The following TLL1 variants were observed in gnomAD, a reference collection of about 807,000 sequenced individuals.
The protein encoded by TLL1 is tolloid like 1, also known as tolloid-like protein 1.
In TLL1, 49 loss-of-function variants were observed where a neutral mutation model predicts 128.2. The observed-to-expected ratio is 0.38, with a 90% confidence interval of 0.30 to 0.48. The LOEUF (loss-of-function observed/expected upper bound fraction) is 0.48. Among genes scored for constraint, TLL1 ranks in the 20% least tolerant of loss-of-function variants. TLL1 has a pLI of 0.96. For synonymous variants in TLL1, 454 were observed against 418.8 expected, an observed-to-expected ratio of 1.08 and a Z score of -1.03; for missense variants, 1,123 against 1,242.0, an observed-to-expected ratio of 0.90 and a Z score of 1.44.
At chr4:165,899,349 A>G (rs1042527754) in intron 1 of TLL1, among the ~76,000 whole-genome samples, 12 of 152,090 alleles carry the variant, frequency 7.9e-5, no homozygotes, top group South Asian at 2.1e-4. Flanking sequence ...GCTTTCTCCT[A>G]TGGGCATTTA....
At chr4:165,912,263 T>A (rs1233525190) in intron 1 of TLL1, among the ~76,000 whole-genome samples, 6 of 152,182 alleles carry the variant, frequency 3.9e-5, no homozygotes, top group Non-Finnish European at 7.4e-5. Context: ...CCTGACTGCG[T>A]TCCTGGTCTT....
At chr4:165,992,468 G>A (rs1736690287) in intron 2 of TLL1, among the ~76,000 whole-genome samples, 1 of 152,010 alleles carries the variant, frequency 6.6e-6, no homozygotes, top group African/African-American at 2.4e-5. Flanking sequence ...CAACAGGGCA[G>A]AACAACTTGC....
At chr4:166,021,428 T>C (rs1738225471) in intron 8 of TLL1, among the ~76,000 whole-genome samples, 2 of 147,338 alleles carry the variant, frequency 1.4e-5, no homozygotes, top group African/African-American at 2.6e-5. Context: ...ACTATTATTT[T>C]TGCCTTTTTT....
chr4:165,896,395 G>A (rs1442107923), intron 1 of TLL1, among the ~76,000 whole-genome samples: 3 of 151,770 alleles, frequency 2.0e-5, no homozygotes, highest in Admixed American at 6.6e-5. Context: ...ATAAACATAC[G>A]TGTGCATGTG....
At chr4:166,021,826 C>A (rs1297350179) in intron 8 of TLL1, among the ~76,000 whole-genome samples, 1 of 152,096 alleles carries the variant, frequency 6.6e-6, no homozygotes, top group Non-Finnish European at 1.5e-5. Context: ...CTCCTGTTGG[C>A]CTCTTGCCTT....
chr4:165,924,539 G>A (rs915340646), intron 1 of TLL1, among the ~76,000 whole-genome samples: 13 of 152,306 alleles, frequency 8.5e-5, no homozygotes, highest in African/African-American at 3.1e-4. Flanking sequence ...GGCTAGCAGA[G>A]GTTAGCTCAG....
intron 4 of TLL1, 70 bp from the exon 5 acceptor site, chr4:165,994,991 T>G: frequency 1.6e-6 from 2 of 1,254,966 alleles, no homozygotes; most frequent in African/African-American, 1.5e-5. Context: ...AGACTTAGGG[T>G]AGAGGATGCA....
At chr4:165,981,930 A>C (rs962604032) in intron 1 of TLL1, among the ~76,000 whole-genome samples, 1 of 151,986 alleles carries the variant, frequency 6.6e-6, no homozygotes, top group Non-Finnish European at 1.5e-5. Flanking sequence ...CCTATATGAG[A>C]TTTTGCAGTG....
chr4:165,967,070 A>G (rs1366184748), intron 1 of TLL1, among the ~76,000 whole-genome samples: 2 of 152,186 alleles, frequency 1.3e-5, no homozygotes, highest in Non-Finnish European at 2.9e-5. Flanking sequence ...CTAGGAATGC[A>G]TTCTTTTTCT....
At chr4:165,890,882 G>A (rs1319382384) in intron 1 of TLL1, among the ~76,000 whole-genome samples, 1 of 152,140 alleles carries the variant, frequency 6.6e-6, no homozygotes, top group African/African-American at 2.4e-5. Flanking sequence ...CTTCCATACT[G>A]CCCTAGCAGA....
chr4:165,907,041 C>T (rs1480470587), intron 1 of TLL1, among the ~76,000 whole-genome samples: 1 of 152,120 alleles, frequency 6.6e-6, no homozygotes, highest in Non-Finnish European at 1.5e-5. Context: ...TCAAGAGATT[C>T]TGACAGCTTG....
intron 9 of TLL1, among the ~76,000 whole-genome samples, chr4:166,032,256 A>G (rs2111080427): frequency 6.6e-6 from 1 of 152,262 alleles, no homozygotes; most frequent in African/African-American, 2.4e-5. Flanking sequence ...GTAAAAGTGT[A>G]GTATTACAAA....
intron 16 of TLL1, among the ~76,000 whole-genome samples, chr4:166,068,428 T>A (rs1740669227): frequency 6.6e-6 from 1 of 151,884 alleles, no homozygotes; most frequent in Admixed American, 6.6e-5. Flanking sequence ...TAATCATATG[T>A]CAAAAGCCAA....
intron 19 of TLL1, among the ~76,000 whole-genome samples, chr4:166,096,210 G>GGTGTGTGTGT (rs60978680): frequency 3.5e-4 from 51 of 145,554 alleles, no homozygotes; most frequent in African/African-American, 1.2e-3. Context: ...TTCTGTCATG[G>GGTGTGTGTGT]GTGTGTGTGT....
chr4:166,017,993 G>A (rs1458773394), intron 8 of TLL1, among the ~76,000 whole-genome samples: 1 of 151,926 alleles, frequency 6.6e-6, no homozygotes, highest in East Asian at 1.9e-4. Context: ...ATTCATAACT[G>A]TACATGTGAG....
intron 1 of TLL1, among the ~76,000 whole-genome samples, chr4:165,963,725 A>T (rs2110964635): frequency 6.6e-6 from 1 of 152,280 alleles, no homozygotes; most frequent in South Asian, 2.1e-4. Context: ...AACAGATAAC[A>T]CACTCTGTCT....
At chr4:165,959,073 C>T (rs1282231316) in intron 1 of TLL1, among the ~76,000 whole-genome samples, 1 of 148,622 alleles carries the variant, frequency 6.7e-6, no homozygotes, top group African/African-American at 2.5e-5. Flanking sequence ...TGATCTATAT[C>T]TCTGTTTTGG....
intron 18 of TLL1, among the ~76,000 whole-genome samples, chr4:166,079,912 T>C (rs76354550): frequency 0.051 from 7,717 of 152,270 alleles, 305 homozygotes; most frequent in African/African-American, 0.096. Context: ...TTTCTTTGGC[T>C]GTCTCGAATC....
intron 1 of TLL1, among the ~76,000 whole-genome samples, chr4:165,945,728 G>C (rs1198910602): frequency 2.6e-5 from 4 of 152,076 alleles, no homozygotes; most frequent in Non-Finnish European, 5.9e-5. Context: ...CTCAAAAAAT[G>C]GCAGGGAATG....
Sources: gnomAD v4.1 joint callset for allele counts (sites outside exome capture counted in the v4.1 genomes callset) on GRCh38, gnomAD v4.1.1 for gene constraint, MANE v1.5 for transcripts, NCBI Gene and HGNC (gene_info 2026-07-23, HGNC 2026-07-21) for gene names.